Variants in GTF3C4 observed in about 807,000 individuals in gnomAD.
GTF3C4 encodes general transcription factor IIIC subunit 4.
In GTF3C4, 28 loss-of-function variants were observed where a neutral mutation model predicts 67.5. That is an observed-to-expected ratio of 0.41 (90% confidence interval 0.31 to 0.57). The LOEUF is 0.57. Ranked by LOEUF, GTF3C4 falls within the 20% of genes least tolerant of loss-of-function variation. GTF3C4 has a pLI of 0.21. For synonymous variants in GTF3C4, 409 were observed against 393.0 expected (o/e 1.04, Z -0.48); for missense variants, 831 against 1,033.2 (o/e 0.80, Z 2.68).
chr9:132,680,853 G>A (rs957848289), intron 2 of GTF3C4, among the ~76,000 whole-genome samples: 1 of 152,228 alleles, frequency 6.6e-6, no homozygotes, highest in Admixed American at 6.5e-5. Context: ...GCTCACGCCT[G>A]TAATCCTAGT....
upstream of GTF3C4, chr9:132,670,351 C>T: frequency 7.2e-7 from 1 of 1,398,466 alleles, no homozygotes; most frequent in Non-Finnish European, 9.4e-7. Context: ...GAGCTCAATC[C>T]CTGGGCAGGG....
intron 1 of GTF3C4, among the ~76,000 whole-genome samples, chr9:132,676,388 G>T (rs1297445353): frequency 6.7e-6 from 1 of 148,586 alleles, no homozygotes; most frequent in African/African-American, 2.5e-5. Context: ...GCGCAATCTC[G>T]GCTCACTTCA....
intron 4 of GTF3C4, among the ~76,000 whole-genome samples, chr9:132,687,716 G>C (rs186345092): frequency 6.3e-4 from 96 of 152,272 alleles, no homozygotes; most frequent in African/African-American, 2.1e-3. Flanking sequence ...CCAGTAATAG[G>C]ATATTCACTT....
chr9:132,684,569 G>A (rs1415998242), intron 3 of GTF3C4, among the ~76,000 whole-genome samples: 1 of 152,124 alleles, frequency 6.6e-6, no homozygotes, highest in East Asian at 1.9e-4. Context: ...ACAGCCTGGG[G>A]CCCCTTCCTC....
At chr9:132,680,146 C>T (rs1267661368) in intron 2 of GTF3C4, among the ~76,000 whole-genome samples, 1 of 152,048 alleles carries the variant, frequency 6.6e-6, no homozygotes, top group Non-Finnish European at 1.5e-5. Context: ...TGCTCCCTGC[C>T]CTTCCTCTTT....
At chr9:132,671,043 T>A (rs917687786) in intron 1 of GTF3C4, 88 bp downstream of exon 1, 3 of 900,006 alleles carry the variant, frequency 3.3e-6, no homozygotes, top group African/African-American at 1.7e-5. Context: ...GATCCCACAC[T>A]CTGTCCGGGG....
In GTF3C4 at chr9:132,689,042, C is replaced by A; in HGVS notation, c.*97C>A. ...AGGATGCACTGGAGGAAGCCGGACCCTCACGAGTGGAGAGAAGTCCTTGGT... is the reference window on the plus strand; with the variant it reads ...AGGATGCACTGGAGGAAGCCGGACCATCACGAGTGGAGAGAAGTCCTTGGT... On this transcript the variant is annotated 3_prime_UTR_variant, in exon 5 of 5. Coordinates refer to ENST00000372146, the MANE Select transcript of GTF3C4 (RefSeq NM_012204.4). 1.1e-6 allele frequency: 1 copy of A among 881,126 alleles called. No homozygotes were observed. Among genetic ancestry groups the A allele is most frequent in the African/African-American group, 1.6e-5 (1 of 61,270 alleles). The allele number at this position is 881,126 out of a possible 1,614,324, so 54.6% of individuals were successfully genotyped here.
rs1590140839 is a variant in GTF3C4 at position 132,689,532 on chromosome 9, C to G, written c.*587C>G. The G allele has an allele frequency of 6.5e-6, 1 of 152,778 alleles. No individual in the cohort carries two copies. Among genetic ancestry groups the G allele is most frequent in the African/African-American group, 2.4e-5 (1 of 41,550 alleles). 9.5% of individuals were successfully genotyped at this position (152,778 alleles called of 1,614,324 possible). A position where few individuals can be genotyped will look rare whatever the true frequency, so the allele number is the denominator to read the frequency against. ...ATATGGAAAACATTTTCCTAAAACT[C>G]TATATTCTTAAGTTGAAGCCAAGAC... is the stretch of plus-strand genomic sequence containing the variant. On this transcript the variant is annotated 3_prime_UTR_variant, in exon 5 of 5. Transcript: ENST00000372146.
Position 132,689,276 on chromosome 9 carries a change from G to A in GTF3C4, c.*331G>A, listed in dbSNP as rs1209660270. ...TGAACACAGTGTCCCGTCATTTCTAGAAACAGAATGGTCTCTTCTAGAGAG... is the reference window on the plus strand; with the variant it reads ...TGAACACAGTGTCCCGTCATTTCTAAAAACAGAATGGTCTCTTCTAGAGAG... On this transcript the variant is annotated 3_prime_UTR_variant, in exon 5 of 5. Coordinates refer to ENST00000372146, the MANE Select transcript of GTF3C4 (RefSeq NM_012204.4). 3.4e-6 allele frequency: 1 copy of A among 290,306 alleles called. No individual in the cohort carries two copies. The highest frequency in any genetic ancestry group is 2.1e-5 in the African/African-American group (1 of 46,748). The allele number at this position is 290,306 out of a possible 1,614,324, so 18.0% of individuals were successfully genotyped here.
rs552161475 is a variant in GTF3C4, at chr9:132,673,669, G to C, written c.357+2714G>C. Reference sequence around the variant, plus strand: ...TTCGCGCTAACCTAAATGGTGGACAGTCTGCAGCGCAGATGACAGTTTTAG... The same window carrying C: ...TTCGCGCTAACCTAAATGGTGGACACTCTGCAGCGCAGATGACAGTTTTAG... On this transcript the variant is annotated intron_variant, in intron 1 of 4. Coordinates refer to ENST00000372146, the MANE Select transcript of GTF3C4 (RefSeq NM_012204.4). Among the ~76,000 whole-genome samples the C allele has an allele frequency of 3.9e-5, 6 of 152,350 alleles. No individual in the cohort carries two copies. The South Asian group carries it at 1.0e-3, about 26-fold the overall frequency.
Position 132,693,309 on chromosome 9 carries a change from C to A in GTF3C4, c.*4364C>A, listed in dbSNP as rs985543999. 1 of 152,172 alleles carries A rather than the reference C, an allele frequency of 6.6e-6. No individual in the cohort carries two copies. Among genetic ancestry groups the A allele is most frequent in the Non-Finnish European group, 1.5e-5 (1 of 68,032 alleles). 9.4% of individuals were successfully genotyped at this position (152,172 alleles called of 1,614,324 possible). A position where few individuals can be genotyped will look rare whatever the true frequency, so the allele number is the denominator to read the frequency against. On this transcript the variant is annotated 3_prime_UTR_variant, in exon 5 of 5. Transcript: ENST00000372146. ...TTCTTTTGGTATATGAATATTTCTC[C>A]TCCAATCCTTTTAATTAGGTGGTTC... is the stretch of plus-strand genomic sequence containing the variant.
chr9:132,681,464 T>A (rs1835942701), intron 2 of GTF3C4, among the ~76,000 whole-genome samples: 1 of 152,192 alleles, frequency 6.6e-6, no homozygotes, highest in Non-Finnish European at 1.5e-5. Flanking sequence ...AAACCTAGGA[T>A]GTTGGCTTAT....
intron 3 of GTF3C4, among the ~76,000 whole-genome samples, chr9:132,684,006 T>TA (rs1835987146): frequency 6.6e-6 from 1 of 152,230 alleles, no homozygotes; most frequent in Admixed American, 6.5e-5. Flanking sequence ...GTCCTCATGT[T>TA]ACTGGACCTG....
rs1835889460 is a variant in GTF3C4 at position 132,678,132 on chromosome 9, C to T, written c.513C>T (p.Pro171=). ...MRGFKYTSWS[P]MGCDANGRCL... ...GATTCAAGTACACCAGCTGGTCTCC[C>T]ATGGGTTGCGATGCTAATGGCAGGT... is the stretch of plus-strand genomic sequence containing the variant. Residue 171 remains proline (P), a synonymous_variant, in exon 2 of 5, where the codon CCC becomes CCT. Coordinates refer to ENST00000372146, the MANE Select transcript of GTF3C4 (RefSeq NM_012204.4). This position sits in a 1 kb window ranked among gnomAD's most constrained non-coding sequence, Gnocchi z 6.5. 1 of 1,614,224 alleles carries T rather than the reference C, an allele frequency of 6.2e-7. No individual in the cohort carries two copies. Among genetic ancestry groups the T allele is most frequent in the Non-Finnish European group, 8.5e-7 (1 of 1,180,036 alleles).
At chr9:132,681,668 C>T (rs894150326) in intron 2 of GTF3C4, among the ~76,000 whole-genome samples, 3 of 152,118 alleles carry the variant, frequency 2.0e-5, no homozygotes, top group Admixed American at 6.5e-5. Context: ...ATGTTTTATA[C>T]GTAAAAGTAA....
chr9:132,686,877 C>G (rs1043603621), intron 3 of GTF3C4, among the ~76,000 whole-genome samples: 1 of 152,178 alleles, frequency 6.6e-6, no homozygotes, highest in Non-Finnish European at 1.5e-5. Flanking sequence ...CTCAAAACAA[C>G]AGCAACAACA....
Position 132,688,876 on chromosome 9 carries a change from T to G in GTF3C4, c.2405-5T>G, listed in dbSNP as rs1426435635. On this transcript the variant is annotated splice_polypyrimidine_tract_variant and splice_region_variant and intron_variant, in intron 4 of 4. Coordinates refer to ENST00000372146, the MANE Select transcript of GTF3C4 (RefSeq NM_012204.4). ...CAGTTGATACCACTTGTCCTCCTTT[T>G]GCAGATCCCGACTGGATTAAGAGGT... The G allele has an allele frequency of 7.5e-6, 12 of 1,608,290 alleles. No individual in the cohort carries two copies. Among genetic ancestry groups the G allele is most frequent in the Non-Finnish European group, 1.0e-5 (12 of 1,174,696 alleles).
In GTF3C4 at chr9:132,693,080, GT is replaced by G. The variant is rs1351873192; in HGVS notation, c.*4140del. The stretch of plus-strand genomic sequence containing the variant: ...ATCACTATCCCGATGAAGAAGTGGG[GT>G]TTTTCAGAAGATTGTAAACTCATTT... On this transcript the variant is annotated 3_prime_UTR_variant, in exon 5 of 5. Coordinates refer to ENST00000372146, the MANE Select transcript of GTF3C4 (RefSeq NM_012204.4). 1 of 152,180 alleles carries G rather than the reference GT, an allele frequency of 6.6e-6. No individual in the cohort carries two copies. Among genetic ancestry groups the G allele is most frequent in the African/African-American group, 2.4e-5 (1 of 41,440 alleles). 9.4% of individuals were successfully genotyped at this position (152,180 alleles called of 1,614,324 possible).
chr9:132,680,234 CAAG>C (rs1277291262), intron 2 of GTF3C4, among the ~76,000 whole-genome samples: 5 of 152,148 alleles, frequency 3.3e-5, no homozygotes, highest in Admixed American at 6.6e-5. Context: ...CAGATTTAGT[CAAG>C]AAAGACATAT....
Sources: allele counts gnomAD v4.1 joint callset (sites outside exome capture counted in the v4.1 genomes callset), GRCh38; gene constraint gnomAD v4.1.1; non-coding constraint Gnocchi (gnomAD v3.1); transcripts MANE v1.5; gene names NCBI Gene and HGNC (gene_info 2026-07-23, HGNC 2026-07-21).